The following AKAP13 variants were observed in gnomAD, a reference collection of about 807,000 sequenced individuals.
AKAP13 encodes A-kinase anchoring protein 13, also known as A-kinase anchor protein 13.
AKAP13 carries 80 observed loss-of-function variants against 264.5 expected under a neutral mutation model. The observed-to-expected ratio is 0.30, with a 90% confidence interval of 0.25 to 0.36. AKAP13 has a LOEUF of 0.36. Ranked by LOEUF, AKAP13 falls within the 10% of genes least tolerant of loss-of-function variation. AKAP13 has a pLI of 1.00. For missense variants in AKAP13, 3,712 were observed against 3,435.2 expected (o/e 1.08, Z -2.01); for synonymous variants, 1,380 against 1,250.2 (o/e 1.10, Z -2.19).
chr15:85,517,520 A>C lies in AKAP13; in HGVS notation c.34-3908A>C, dbSNP rs144470181. 6.5e-3 allele frequency among the ~76,000 whole-genome samples: 997 copies of C among 152,296 alleles called. 8 individuals carry two copies. The highest frequency in any genetic ancestry group is 0.01 in the Middle Eastern group (3 of 294). ...TCTTAGAATTCCAGGGTTGAAATCT[A>C]GGTGAAAAGATTTTTTTAAACTTAA... On this transcript the variant is annotated intron_variant, in intron 2 of 36. Transcript: ENST00000394518.
chr15:85,735,436 C>T lies in AKAP13; in HGVS notation c.7442-124C>T, dbSNP rs1239894373. The T allele has an allele frequency of 6.8e-6, 7 of 1,023,530 alleles. No individual in the cohort carries two copies. In the East Asian group the frequency reaches 1.8e-4, roughly 26 times the overall value. 63.4% of individuals were successfully genotyped at this position (1,023,530 alleles called of 1,614,324 possible). ...CACTTAGCTGCCACCAAGCAGCTCC[C>T]CCTTTTTGGGGGCATCAGTAGGTTT... On this transcript the variant is annotated intron_variant, in intron 31 of 36. Transcript: ENST00000394518.
chr15:85,654,848 GA>G (rs937188961), intron 10 of AKAP13, among the ~76,000 whole-genome samples: 4 of 151,432 alleles, frequency 2.6e-5, no homozygotes, highest in African/African-American at 9.7e-5. Flanking sequence ...AGAAAAGAAA[GA>G]AAAAATGATG....
intron 2 of AKAP13, among the ~76,000 whole-genome samples, chr15:85,512,851 ATG>A (rs1314629149): frequency 7.1e-6 from 1 of 140,820 alleles, no homozygotes; most frequent in African/African-American, 2.5e-5. Flanking sequence ...GTATGTATGT[ATG>A]TATGTATGTA....
At chr15:85,444,732 G>T (rs1244119829) in intron 1 of AKAP13, among the ~76,000 whole-genome samples, 3 of 152,182 alleles carry the variant, frequency 2.0e-5, no homozygotes, top group Non-Finnish European at 4.4e-5. Context: ...AAAATTTAGT[G>T]AAGTCAACAC....
chr15:85,631,502 T>TCTCTCACACACACA (rs1372440393), intron 8 of AKAP13, among the ~76,000 whole-genome samples: 26 of 141,040 alleles, frequency 1.8e-4, no homozygotes, highest in African/African-American at 7.0e-4. Flanking sequence ...TCTCTCTCTC[T>TCTCTCACACACACA]CACACACACA....
intron 1 of AKAP13, among the ~76,000 whole-genome samples, chr15:85,442,453 T>TA (rs2073705585): frequency 8.2e-6 from 1 of 121,766 alleles, no homozygotes; most frequent in Non-Finnish European, 1.7e-5. Context: ...AAAATATACA[T>TA]ATATAATATA....
chr15:85,742,158 G>A (rs915384667), intron 35 of AKAP13, among the ~76,000 whole-genome samples: 3 of 152,210 alleles, frequency 2.0e-5, no homozygotes, highest in Non-Finnish European at 4.4e-5. Context: ...GAAGTGCTGG[G>A]GCATTTTGGC....
chr15:85,613,607 G>A (rs947122499), intron 8 of AKAP13, among the ~76,000 whole-genome samples: 1 of 147,964 alleles, frequency 6.8e-6, no homozygotes, highest in Non-Finnish European at 1.5e-5. Context: ...CATGAACCCC[G>A]GAGGCGGAGC....
At chr15:85,728,750 A>C (rs2087769293) in intron 29 of AKAP13, among the ~76,000 whole-genome samples, 1 of 152,142 alleles carries the variant, frequency 6.6e-6, no homozygotes, top group Admixed American at 6.5e-5. Flanking sequence ...AAGGAATGAC[A>C]GGTTCGGTGT....
chr15:85,735,095 C>G lies in AKAP13; in HGVS notation c.7386C>G (p.Pro2462=). ...EQDVVGPVSL[P]RRAETFGGFD... is the part of the protein sequence containing the mutation. ...ATGTGGTCGGTCCCGTTTCCCTGCC[C>G]CGGAGAGCAGAGACCTTTGGAGGAT... Residue 2462 remains proline, a synonymous_variant, in exon 31 of 37, where the codon CCC becomes CCG. Transcript: ENST00000394518. 1 of 1,614,184 alleles carries G rather than the reference C, an allele frequency of 6.2e-7. No homozygotes were observed. The highest frequency in any genetic ancestry group is 8.5e-7 in the Non-Finnish European group (1 of 1,180,044).
At chr15:85,721,924 C>T (rs1284762463) in intron 23 of AKAP13, 67 bp from the exon 24 acceptor site, 2 of 1,592,652 alleles carry the variant, frequency 1.3e-6, no homozygotes, top group South Asian at 1.1e-5. Flanking sequence ...AGACTGGAAA[C>T]ATTTTACAAA....
intron 13 of AKAP13, among the ~76,000 whole-genome samples, chr15:85,666,742 A>G (rs8033000): frequency 7.2e-5 from 11 of 151,898 alleles, no homozygotes; most frequent in African/African-American, 2.7e-4. Context: ...CCATCTAATC[A>G]TCTCTTAATT....
At chr15:85,704,799 A>T (rs1442082563) in intron 17 of AKAP13, among the ~76,000 whole-genome samples, 1 of 152,206 alleles carries the variant, frequency 6.6e-6, no homozygotes, top group Admixed American at 6.5e-5. Context: ...TTTGTCTTCA[A>T]TTCTTGTGTT....
Position 85,743,564 on chromosome 15 carries a change from T to G in AKAP13, c.8131T>G (p.Ser2711Ala), listed in dbSNP as rs1276087488. Residue 2711 changes from serine (S) to alanine (A), a missense_variant, in exon 36 of 37, where the codon TCT becomes GCT. Ser to Ala is a moderately conservative substitution (Grantham distance 99). Coordinates refer to ENST00000394518, the MANE Select transcript of AKAP13 (RefSeq NM_007200.5). The part of the protein sequence containing the change: ...FPSPEEPPSP[S>A]APSIAKSGSL... ...CAGTCCTGAGGAGCCCCCCTCGCCATCTGCACCTTCCATAGCCAAATCAGG... is the reference window on the plus strand; with the variant it reads ...CAGTCCTGAGGAGCCCCCCTCGCCAGCTGCACCTTCCATAGCCAAATCAGG... The G allele has an allele frequency of 6.2e-7, 1 of 1,614,064 alleles. No individual in the cohort carries two copies. Among genetic ancestry groups the G allele is most frequent in the Non-Finnish European group, 8.5e-7 (1 of 1,180,036 alleles).
At chr15:85,619,446 G>A (rs1296304880) in intron 8 of AKAP13, 8 of 985,110 alleles carry the variant, frequency 8.1e-6, no homozygotes, top group Non-Finnish European at 9.6e-6. Context: ...TCAAAACCAA[G>A]CCCTACTGCC....
intron 1 of AKAP13, among the ~76,000 whole-genome samples, chr15:85,386,034 A>G (rs1314807705): frequency 6.6e-6 from 1 of 152,124 alleles, no homozygotes; most frequent in African/African-American, 2.4e-5. Flanking sequence ...CATGTTGGCC[A>G]GGCTGATCTT....
intron 1 of AKAP13, among the ~76,000 whole-genome samples, chr15:85,460,672 G>A (rs2150999056): frequency 6.6e-6 from 1 of 152,348 alleles, no homozygotes; most frequent in East Asian, 1.9e-4. Context: ...CTAATCATAG[G>A]AATCTTTAAA....
At chr15:85,602,789 A>G (rs1384709840) in intron 8 of AKAP13, among the ~76,000 whole-genome samples, 3 of 152,336 alleles carry the variant, frequency 2.0e-5, no homozygotes, top group South Asian at 2.1e-4. Context: ...CACCCAGCCT[A>G]TCATACTTTC....
At chr15:85,517,169 ACTAT>A (rs943014405) in intron 2 of AKAP13, among the ~76,000 whole-genome samples, 2 of 152,096 alleles carry the variant, frequency 1.3e-5, no homozygotes, top group Non-Finnish European at 2.9e-5. Flanking sequence ...ACACTTCCTT[ACTAT>A]CTAAGATGAC....
Sources: allele counts gnomAD v4.1 joint callset (sites outside exome capture counted in the v4.1 genomes callset), GRCh38; gene constraint gnomAD v4.1.1; transcripts MANE v1.5; gene names NCBI Gene and HGNC (gene_info 2026-07-23, HGNC 2026-07-21).